NFATC2: variants seen among roughly 807,000 people sequenced by gnomAD.
NFATC2 encodes nuclear factor of activated T-cells, cytoplasmic 2.
Under a neutral mutation model 87.3 loss-of-function variants are expected in NFATC2, and 22 were observed. The ratio of observed to expected loss-of-function variants is 0.25; its 90% confidence interval spans 0.18 to 0.36. NFATC2 has a LOEUF of 0.36. NFATC2 is among the 10% of genes least tolerant of loss of function. The pLI, the probability that NFATC2 is intolerant of heterozygous loss-of-function variation, is 1.00. For synonymous variants in NFATC2, 565 were observed against 542.2 expected, an observed-to-expected ratio of 1.04 and a Z score of -0.58; for missense variants, 1,149 against 1,259.1, an observed-to-expected ratio of 0.91 and a Z score of 1.32.
intron 9 of NFATC2, among the ~76,000 whole-genome samples, chr20:51,407,530 T>C (rs1978516891): frequency 6.6e-6 from 1 of 152,214 alleles, no homozygotes; most frequent in Non-Finnish European, 1.5e-5. Flanking sequence ...GGTGCTGTAG[T>C]CCTCAGCTCT....
At chr20:51,397,354 ACCCTCAATAG>A (rs1987321755) in intron 10 of NFATC2, among the ~76,000 whole-genome samples, 1 of 152,028 alleles carries the variant, frequency 6.6e-6, no homozygotes, top group African/African-American at 2.4e-5. Flanking sequence ...CCTCAATAGG[ACCCTCAATAG>A]GACTGTAGCC....
At chr20:51,515,891 C>T (rs764492790) in intron 3 of NFATC2, among the ~76,000 whole-genome samples, 19 of 152,066 alleles carry the variant, frequency 1.2e-4, no homozygotes, top group Non-Finnish European at 2.1e-4. Context: ...TTTTTAAGAA[C>T]CACCCTAGAG....
chr20:51,449,385 C>T (rs1044084559), intron 6 of NFATC2, among the ~76,000 whole-genome samples: 5 of 152,088 alleles, frequency 3.3e-5, no homozygotes, highest in Admixed American at 3.3e-4. Flanking sequence ...AGACATCCCC[C>T]GCAGAGAAGC....
intron 1 of NFATC2, among the ~76,000 whole-genome samples, chr20:51,532,911 C>G (rs1432458814): frequency 6.6e-5 from 10 of 152,156 alleles, no homozygotes; most frequent in African/African-American, 2.4e-4. Flanking sequence ...CAGGGCCTGG[C>G]CTGGGGGCTG....
chr20:51,560,517 C>G (rs905131993), intron 1 of NFATC2, among the ~76,000 whole-genome samples: 2 of 152,182 alleles, frequency 1.3e-5, no homozygotes, highest in Admixed American at 1.3e-4. Context: ...GCAAATATTT[C>G]TCTTCTCTAT....
intron 3 of NFATC2, among the ~76,000 whole-genome samples, chr20:51,499,581 G>T (rs769353533): frequency 6.9e-4 from 104 of 151,800 alleles, no homozygotes; most frequent in Non-Finnish European, 1.3e-3. Context: ...GATGAAACCC[G>T]TCTCTACCAA....
At chr20:51,561,878 A>G (rs544175970) in intron 1 of NFATC2, among the ~76,000 whole-genome samples, 2 of 152,196 alleles carry the variant, frequency 1.3e-5, no homozygotes, top group East Asian at 1.9e-4. Context: ...ACCCCCTCCC[A>G]TAAGATCCAA....
At chr20:51,400,139 C>T (rs1410563293) in intron 9 of NFATC2, among the ~76,000 whole-genome samples, 1 of 151,422 alleles carries the variant, frequency 6.6e-6, no homozygotes, top group African/African-American at 2.4e-5. Context: ...AGCCAGAAAC[C>T]AACAACCTCC....
upstream of NFATC2, chr20:51,542,810 C>T (rs1490848218): frequency 6.6e-5 from 50 of 757,168 alleles, no homozygotes; most frequent in Admixed American, 7.0e-4. Context: ...GCGGGGCCGC[C>T]ACCAGGGGAC....
intron 3 of NFATC2, among the ~76,000 whole-genome samples, chr20:51,479,688 A>G (rs917582887): frequency 1.2e-4 from 19 of 152,296 alleles, no homozygotes; most frequent in Admixed American, 1.2e-3. Context: ...GCCACACACC[A>G]CACTTGATGT....
chr20:51,430,675 C>T (rs534329332), intron 9 of NFATC2, among the ~76,000 whole-genome samples: 2 of 152,260 alleles, frequency 1.3e-5, no homozygotes, highest in Admixed American at 6.5e-5. Context: ...TACCAGAAGT[C>T]ACAGAGCCCC....
intron 5 of NFATC2, among the ~76,000 whole-genome samples, chr20:51,467,072 C>CA (rs35588474): frequency 0.38 from 30,377 of 79,354 alleles, 5,262 homozygotes; most frequent in African/African-American, 0.57. Context: ...GACTTAGTCT[C>CA]AAAAAAAAAA....
intron 3 of NFATC2, among the ~76,000 whole-genome samples, chr20:51,496,563 T>G (rs983865181): frequency 2.0e-5 from 3 of 152,142 alleles, no homozygotes; most frequent in African/African-American, 7.2e-5. Context: ...TTATAGGTCT[T>G]ATCTCTATAA....
chr20:51,505,446 T>C lies in NFATC2; in HGVS notation c.1332+11338A>G, dbSNP rs537542460. 8.2e-5 allele frequency among the ~76,000 whole-genome samples: 8 copies of C among 97,090 alleles called. No homozygotes were observed. The East Asian group carries it at 2.1e-3, about 25-fold the overall frequency. The allele number at this position is 97,090 out of a possible 152,430, so 63.7% of individuals were successfully genotyped here. On this transcript the variant is annotated intron_variant, in intron 3 of 10. Transcript: ENST00000371564. ...GGTGTACATACACATTGTATATATA[T>C]GTGTAGGTGTGTGTATATATATATA...
chr20:51,437,752 A>C (rs1983777754), intron 6 of NFATC2, among the ~76,000 whole-genome samples: 1 of 152,224 alleles, frequency 6.6e-6, no homozygotes, highest in African/African-American at 2.4e-5. Flanking sequence ...AAGGGAAAAG[A>C]ACAGGCAGTT....
intron 1 of NFATC2, among the ~76,000 whole-genome samples, chr20:51,540,655 T>TTTTTTGTTG (rs1411770426): frequency 7.7e-6 from 1 of 129,286 alleles, no homozygotes; most frequent in Admixed American, 7.3e-5. Context: ...AAGTTTTTTT[T>TTTTTTGTTG]TTGTTTTTTT....
intron 3 of NFATC2, among the ~76,000 whole-genome samples, chr20:51,481,876 C>A (rs1320745491): frequency 2.0e-5 from 3 of 152,150 alleles, no homozygotes; most frequent in Non-Finnish European, 4.4e-5. Flanking sequence ...TAGGTGAAGA[C>A]CTTTCTACAC....
chr20:51,398,224 C>T (rs776442474), intron 10 of NFATC2, among the ~76,000 whole-genome samples: 5 of 152,166 alleles, frequency 3.3e-5, no homozygotes, highest in South Asian at 2.1e-4. Context: ...TCCTCAGTGG[C>T]TTCTTAGGTA....
At chr20:51,435,866 A>T in intron 6 of NFATC2, 105 bp from the exon 7 acceptor site, 1 of 929,042 alleles carries the variant, frequency 1.1e-6, no homozygotes, top group Non-Finnish European at 1.7e-6. Flanking sequence ...ATATTATGTC[A>T]TTTCAGTAAG....
Sources: allele counts gnomAD v4.1 joint callset (sites outside exome capture counted in the v4.1 genomes callset), GRCh38; gene constraint gnomAD v4.1.1; transcripts MANE v1.5; gene names NCBI Gene and HGNC (gene_info 2026-07-23, HGNC 2026-07-21).